The following GAB2 variants were observed in gnomAD, a reference collection of about 807,000 sequenced individuals.
The protein encoded by GAB2 is GRB2-associated-binding protein 2.
A neutral mutation model predicts 65.5 loss-of-function variants in GAB2; 26 were observed. The observed-to-expected ratio is 0.40, with a 90% CI of 0.29 to 0.55. The LOEUF (loss-of-function observed/expected upper bound fraction) is 0.55, where lower values mean the gene tolerates loss of function less well. GAB2 is among the 20% of genes least tolerant of loss of function. The probability of loss-of-function intolerance (pLI) is 0.53; values close to 1 mark genes in which losing one functional copy is unlikely to be tolerated. For missense variants in GAB2, 884 were observed against 875.8 expected (o/e 1.01, Z -0.12); for synonymous variants, 321 against 329.6 (o/e 0.97, Z 0.28).
chr11:78,231,335 TG>T (rs369015520), intron 3 of GAB2, among the ~76,000 whole-genome samples: 1,990 of 89,664 alleles, frequency 0.022, 40 homozygotes, highest in African/African-American at 0.075. Flanking sequence ...CGCGCGTGTG[TG>T]GTGTGTGTGT....
intron 1 of GAB2, among the ~76,000 whole-genome samples, chr11:78,315,165 A>G (rs1321746502): frequency 6.6e-6 from 1 of 152,224 alleles, no homozygotes; most frequent in Non-Finnish European, 1.5e-5. Context: ...AGTGAATTAT[A>G]AACACACTTC....
Position 78,343,715 on chromosome 11 carries a change from G to A in GAB2, c.76-62814C>T, listed in dbSNP as rs147318959. 3.3e-3 allele frequency among the ~76,000 whole-genome samples: 499 copies of A among 152,118 alleles called. 2 individuals carry two copies. Among genetic ancestry groups the A allele is most frequent in the African/African-American group, 0.011 (475 of 41,492 alleles). On this transcript the variant is annotated intron_variant, in intron 1 of 9. Transcript: ENST00000361507. The stretch of plus-strand genomic sequence containing the variant: ...CACATATGTGATTTTAAAATTTATA[G>A]TGGCCACATTTAAAATGTAAAAAGA...
At chr11:78,314,047 G>C (rs1855552455) in intron 1 of GAB2, among the ~76,000 whole-genome samples, 2 of 152,314 alleles carry the variant, frequency 1.3e-5, no homozygotes, top group East Asian at 1.9e-4. Context: ...CTGGATGTGG[G>C]AGTGTCAAGT....
At position 78,223,630 on chromosome 11, in the gene GAB2, T is replaced by A. The variant is rs1188390041; in HGVS notation, c.1349A>T (p.Asp450Val). Residue 450 changes from aspartate to valine, a missense_variant, in exon 6 of 10, where the codon GAC (aspartate) becomes GTC (valine). Transcript: ENST00000361507. ...ACCTGGATTCATGGGCACATAGTTG[T>A]CTTCAGAATTGGTGCTGTCCGATCG... is the stretch of plus-strand genomic sequence containing the variant. ...VGRSDSTNSE[D>V]NYVPMNPGSS... is the part of the protein sequence containing the mutation. The A allele has an allele frequency of 6.2e-7, 1 of 1,612,566 alleles. No homozygotes were observed.
chr11:78,391,183 T>G (rs1467443714), intron 1 of GAB2, among the ~76,000 whole-genome samples: 1 of 152,192 alleles, frequency 6.6e-6, no homozygotes, highest in Non-Finnish European at 1.5e-5. Flanking sequence ...TGGTCCCAGC[T>G]GTCCAGGAGG....
intron 5 of GAB2, among the ~76,000 whole-genome samples, chr11:78,224,899 C>A (rs1249280891): frequency 5.3e-5 from 8 of 152,034 alleles, no homozygotes; most frequent in Admixed American, 1.3e-4. Context: ...TCCAGTCTAC[C>A]TTAGCACATA....
intron 1 of GAB2, among the ~76,000 whole-genome samples, chr11:78,343,269 G>T (rs1362115430): frequency 6.6e-6 from 1 of 152,038 alleles, no homozygotes; most frequent in African/African-American, 2.4e-5. Context: ...GTGATGAGAT[G>T]AGTAAAATCT....
At chr11:78,369,550 T>C (rs1422095116) in intron 1 of GAB2, among the ~76,000 whole-genome samples, 1 of 152,248 alleles carries the variant, frequency 6.6e-6, no homozygotes, top group Non-Finnish European at 1.5e-5. Flanking sequence ...ATTATCTTGC[T>C]ATTAGTTTTG....
chr11:78,415,432 C>T (rs928114935), intron 1 of GAB2, among the ~76,000 whole-genome samples: 1 of 152,122 alleles, frequency 6.6e-6, no homozygotes, highest in African/African-American at 2.4e-5. Context: ...AGAGTTTTAA[C>T]TTACAACAGG....
rs115982223 is a variant in GAB2 at position 78,219,332 on chromosome 11, G to C, written c.1971C>G (p.Thr657=). The change falls in exon 10 of 10, where the codon ACC becomes ACG. Residue 657 remains threonine, a synonymous_variant. Coordinates refer to ENST00000361507, the MANE Select transcript of GAB2 (RefSeq NM_080491.3). ...DKEKTQALQN[T]MQEWTDVRQS... ...GCCGCACGTCTGTCCACTCCTGCAT[G>C]GTGTTCTGCAGGGCCTGGGTCTTCT... The C allele has an allele frequency of 7.1e-4, 1,145 of 1,613,464 alleles. 3 individuals are homozygous for C. In the African/African-American group the frequency reaches 0.013, roughly 19 times the overall value.
In GAB2 at chr11:78,248,982, T is replaced by C. The variant is rs566660286; in HGVS notation, c.620+1175A>G. ...ATGTATAAGTTGATGGAAGTTGAACTAGTGAAAGTTCACAAACAAATGAAT... is the reference window on the plus strand; with the variant it reads ...ATGTATAAGTTGATGGAAGTTGAACCAGTGAAAGTTCACAAACAAATGAAT... On this transcript the variant is annotated intron_variant, in intron 3 of 9. Transcript: ENST00000361507. Among the ~76,000 whole-genome samples the C allele has an allele frequency of 2.6e-5, 4 of 152,356 alleles. No homozygotes were observed. The East Asian group carries it at 7.7e-4, about 29-fold the overall frequency.
rs1477705591 is a variant in GAB2 at position 78,269,655 on chromosome 11, C to G, written c.376+10946G>C. On this transcript the variant is annotated intron_variant, in intron 2 of 9. Coordinates refer to ENST00000361507, the MANE Select transcript of GAB2 (RefSeq NM_080491.3). ...GGGTATCGTTTGACCCCAGGTGGGA[C>G]CCAGGACTTAAAATAATTTGAGTGT... Among the ~76,000 whole-genome samples, 3 of 152,142 alleles carry G rather than the reference C, an allele frequency of 2.0e-5. No individual in the cohort carries two copies. The East Asian group carries it at 5.8e-4, about 29-fold the overall frequency.
intron 4 of GAB2, 77 bp downstream of exon 4, chr11:78,226,388 C>G: frequency 8.4e-7 from 1 of 1,187,042 alleles, no homozygotes; most frequent in African/African-American, 1.5e-5. Flanking sequence ...CCATGGATGA[C>G]CAAGGACCAT....
chr11:78,387,813 G>C (rs910263753), intron 1 of GAB2, among the ~76,000 whole-genome samples: 2 of 152,170 alleles, frequency 1.3e-5, no homozygotes, highest in Admixed American at 6.5e-5. Flanking sequence ...TTTATATGGA[G>C]ACACCAACCA....
At chr11:78,359,218 T>C (rs774301314) in intron 1 of GAB2, among the ~76,000 whole-genome samples, 5 of 152,252 alleles carry the variant, frequency 3.3e-5, no homozygotes, top group East Asian at 1.9e-4. Context: ...TTCAGAACCA[T>C]TGAAAGAATA....
At chr11:78,219,817 C>T (rs574081839) in intron 9 of GAB2, among the ~76,000 whole-genome samples, 3 of 152,268 alleles carry the variant, frequency 2.0e-5, no homozygotes, top group African/African-American at 7.2e-5. Flanking sequence ...TGCTCACTGC[C>T]ACCCTGTGAA....
intron 2 of GAB2, among the ~76,000 whole-genome samples, chr11:78,268,726 T>G (rs74917449): frequency 0.014 from 2,076 of 145,340 alleles, 59 homozygotes; most frequent in African/African-American, 0.051. Context: ...AGGGGGAGTG[T>G]CTGGTATTTA....
intron 1 of GAB2, among the ~76,000 whole-genome samples, chr11:78,332,857 GA>G (rs1855938484): frequency 6.6e-6 from 1 of 152,204 alleles, no homozygotes; most frequent in South Asian, 2.1e-4. Flanking sequence ...TCATGCCCTA[GA>G]GTCTGAGCAG....
At chr11:78,281,652 CA>C (rs1406665429) in intron 1 of GAB2, among the ~76,000 whole-genome samples, 3 of 152,170 alleles carry the variant, frequency 2.0e-5, no homozygotes, top group Non-Finnish European at 4.4e-5. Context: ...TCCCAAGTTT[CA>C]AAAATGGAGG....
Sources: gnomAD v4.1 joint callset for allele counts (sites outside exome capture counted in the v4.1 genomes callset) on GRCh38, gnomAD v4.1.1 for gene constraint, MANE v1.5 for transcripts, NCBI Gene and HGNC (gene_info 2026-07-23, HGNC 2026-07-21) for gene names.